The following MTR variants were observed in gnomAD, a reference collection of about 807,000 sequenced individuals.
The protein encoded by MTR is 5-methyltetrahydrofolate-homocysteine methyltransferase.
In MTR, 84 loss-of-function variants were observed where a neutral mutation model predicts 154.8. The ratio of observed to expected loss-of-function variants is 0.54; its 90% CI spans 0.45 to 0.65. The LOEUF is 0.65. Ranked by LOEUF, MTR falls within the 30% of genes least tolerant of loss-of-function variation. The pLI, the probability that MTR is intolerant of heterozygous loss-of-function variation, is 0.00. For missense variants in MTR, 1,275 were observed against 1,570.2 expected (o/e 0.81, Z 3.18); for synonymous variants, 554 against 553.9 (o/e 1.00, Z 0.00).
At chr1:236,835,352 A>T (rs2103147062) in intron 13 of MTR, among the ~76,000 whole-genome samples, 195 bp from the exon 14 acceptor site, 1 of 152,168 alleles carries the variant, frequency 6.6e-6, no homozygotes, top group African/African-American at 2.4e-5. Context: ...CAGTGAGATG[A>T]TGTGATGGAA....
chr1:236,819,557 G>A, intron 8 of MTR: 1 of 380,546 alleles, frequency 2.6e-6, no homozygotes, highest in South Asian at 2.3e-5. Flanking sequence ...AATCTCCCAT[G>A]GCCTTTCCAT....
intron 8 of MTR, among the ~76,000 whole-genome samples, chr1:236,819,460 C>T (rs1486217100): frequency 6.6e-6 from 1 of 152,118 alleles, no homozygotes; most frequent in Non-Finnish European, 1.5e-5. Context: ...AAATAATATT[C>T]CGTTGCGAAG....
At position 236,852,641 on chromosome 1, in the gene MTR, T is replaced by G. The variant is rs745837747; in HGVS notation, c.1812+4T>G. On this transcript the variant is annotated splice_donor_region_variant and intron_variant, in intron 17 of 32. Transcript: ENST00000366577. ...TTTCCTTTACCATGCAATCAAGGTATGGTAGAAGAACTCTTAGCCCTGCGG... is the reference window on the plus strand; with the variant it reads ...TTTCCTTTACCATGCAATCAAGGTAGGGTAGAAGAACTCTTAGCCCTGCGG... 12 of 1,611,156 alleles carry G rather than the reference T, an allele frequency of 7.4e-6. No individual in the cohort carries two copies. In the South Asian group the frequency reaches 1.3e-4, roughly 18 times the overall value.
At chr1:236,830,510 C>G (rs1424051689) in intron 12 of MTR, among the ~76,000 whole-genome samples, 1 of 152,212 alleles carries the variant, frequency 6.6e-6, no homozygotes, top group Non-Finnish European at 1.5e-5. Context: ...CACCTTCCAT[C>G]AGATTTTAAA....
chr1:236,842,784 G>GTATA (rs60138451), intron 15 of MTR, among the ~76,000 whole-genome samples: 4,230 of 144,438 alleles, frequency 0.029, 156 homozygotes, highest in African/African-American at 0.083. Context: ...AAAAAAAGAT[G>GTATA]TATATATATA....
chr1:236,834,321 G>A (rs995038582), intron 13 of MTR, among the ~76,000 whole-genome samples: 2 of 152,018 alleles, frequency 1.3e-5, no homozygotes, highest in African/African-American at 4.8e-5. Flanking sequence ...CTGGGACTAC[G>A]GGCTCATGCC....
chr1:236,881,551 C>T (rs1381085553), intron 25 of MTR, among the ~76,000 whole-genome samples: 1 of 151,996 alleles, frequency 6.6e-6, no homozygotes, highest in Non-Finnish European at 1.5e-5. Flanking sequence ...TCCCATCCCG[C>T]TCCTAGTGTC....
chr1:236,880,864 C>T, intron 25 of MTR, 28 bp downstream of exon 25: 6 of 1,588,876 alleles, frequency 3.8e-6, no homozygotes, highest in African/African-American at 1.3e-5. Context: ...CATTTTATTC[C>T]AGATGTGTTG....
intron 24 of MTR, among the ~76,000 whole-genome samples, chr1:236,880,516 C>T (rs1485858731): frequency 6.6e-6 from 1 of 152,204 alleles, no homozygotes; most frequent in Non-Finnish European, 1.5e-5. Flanking sequence ...GTTAACGGAG[C>T]TGAGGACAAG....
intron 18 of MTR, among the ~76,000 whole-genome samples, chr1:236,859,527 A>G (rs1558316423): frequency 1.3e-5 from 2 of 152,172 alleles, no homozygotes; most frequent in Admixed American, 6.5e-5. Context: ...GGTTTGGAGT[A>G]TAGCTTCTCT....
intron 27 of MTR, among the ~76,000 whole-genome samples, chr1:236,887,910 G>A (rs780525675): frequency 5.3e-5 from 8 of 152,240 alleles, no homozygotes; most frequent in Non-Finnish European, 1.0e-4. Context: ...CAGGCGGGAG[G>A]ACGCTTGAAT....
chr1:236,893,219 A>G (rs113686118), intron 29 of MTR, among the ~76,000 whole-genome samples: 11,794 of 152,226 alleles, frequency 0.077, 634 homozygotes, highest in Non-Finnish European at 0.11. Context: ...CGGCTTCCCC[A>G]TGCACAGCTG....
intron 24 of MTR, among the ~76,000 whole-genome samples, chr1:236,880,472 A>G (rs1665667387): frequency 6.6e-6 from 1 of 152,218 alleles, no homozygotes; most frequent in Non-Finnish European, 1.5e-5. Context: ...TGGGCTGCGA[A>G]TGAGCACCAG....
intron 4 of MTR, among the ~76,000 whole-genome samples, chr1:236,810,136 T>C (rs980887491): frequency 1.3e-5 from 2 of 152,186 alleles, no homozygotes. Flanking sequence ...CTGAAATGTT[T>C]TAGTTAGTTG....
chr1:236,875,142 T>C (rs1185913118), intron 24 of MTR, among the ~76,000 whole-genome samples: 2 of 152,248 alleles, frequency 1.3e-5, no homozygotes, highest in Non-Finnish European at 2.9e-5. Context: ...AGAATTATAA[T>C]GAACTCTTCT....
At position 236,873,792 on chromosome 1, in the gene MTR, A is replaced by G. The variant is rs1460525335; in HGVS notation, c.2425A>G (p.Met809Val). The change falls in exon 23 of 33, where the codon ATG becomes GTG. Residue 809 changes from methionine to valine, a missense_variant. Coordinates refer to ENST00000366577, the MANE Select transcript of MTR (RefSeq NM_000254.3). ...NNFRVIDLGV[M>V]TPCDKILKAA... ...CCTCAGAGTTATTGATTTAGGAGTC[A>G]TGACTCCATGTGATAAGATACTGAA... is the stretch of plus-strand genomic sequence containing the variant. The G allele has an allele frequency of 1.9e-6, 3 of 1,614,018 alleles. No homozygotes were observed. Among genetic ancestry groups the G allele is most frequent in the Non-Finnish European group, 2.5e-6 (3 of 1,179,966 alleles).
chr1:236,849,610 A>C (rs1057263497), intron 15 of MTR, among the ~76,000 whole-genome samples: 8 of 152,168 alleles, frequency 5.3e-5, no homozygotes, highest in Non-Finnish European at 8.8e-5. Flanking sequence ...GGAGCAATGT[A>C]GGAGGTGCGG....
At position 236,875,654 on chromosome 1, in the gene MTR, T is replaced by C. The variant is rs1345797716; in HGVS notation, c.2594+808T>C. 2.6e-5 allele frequency among the ~76,000 whole-genome samples: 4 copies of C among 152,066 alleles called. No homozygotes were observed. In the East Asian group the frequency reaches 7.7e-4, roughly 29 times the overall value. Reference sequence around the variant, plus strand: ...GGTCTGGTTATAGGTATGCCAGAAATACAATAAAGATCTGGGTATAGGTAT... The same window carrying C: ...GGTCTGGTTATAGGTATGCCAGAAACACAATAAAGATCTGGGTATAGGTAT... On this transcript the variant is annotated intron_variant, in intron 24 of 32. Coordinates refer to ENST00000366577, the MANE Select transcript of MTR (RefSeq NM_000254.3).
intron 3 of MTR, among the ~76,000 whole-genome samples, chr1:236,807,436 A>T (rs528599802): frequency 6.8e-4 from 104 of 152,286 alleles, no homozygotes; most frequent in African/African-American, 2.1e-3. Context: ...GGCCTCCCAA[A>T]GTGCTGGGAT....
Sources: allele counts gnomAD v4.1 joint callset (sites outside exome capture counted in the v4.1 genomes callset), GRCh38; gene constraint gnomAD v4.1.1; transcripts MANE v1.5; gene names NCBI Gene and HGNC (gene_info 2026-07-23, HGNC 2026-07-21).